Variants in COL8A1 observed in about 807,000 individuals in gnomAD.
COL8A1 encodes the protein collagen alpha-1(VIII) chain.
COL8A1 carries 21 observed loss-of-function variants against 42.7 expected under a neutral mutation model. That is an observed-to-expected ratio of 0.49 (90% CI 0.35 to 0.71). COL8A1 has a LOEUF of 0.71. Among genes scored for constraint, COL8A1 ranks in the 30% least tolerant of loss-of-function variants. The pLI is 0.01. For missense variants in COL8A1, 788 were observed against 962.4 expected, an observed-to-expected ratio of 0.82 and a Z score of 2.40; for synonymous variants, 367 against 369.1, an observed-to-expected ratio of 0.99 and a Z score of 0.06.
chr3:99,791,143 G>C lies in COL8A1; in HGVS notation c.328+133G>C, dbSNP rs1399110779. 1.7e-5 allele frequency: 13 copies of C among 765,350 alleles called. No individual in the cohort carries two copies. The East Asian group carries it at 3.2e-4, about 19-fold the overall frequency. The allele number at this position is 765,350 out of a possible 1,614,324, so 47.4% of individuals were successfully genotyped here. A position where few individuals can be genotyped will look rare whatever the true frequency, so the allele number is the denominator to read the frequency against. The stretch of plus-strand genomic sequence containing the variant: ...TACTGGCATTTTTAAAATGCCTACT[G>C]TGTTCTAACCATATTCTTGAAAACT... On this transcript the variant is annotated intron_variant, in intron 3 of 3. Coordinates refer to ENST00000652472, the MANE Select transcript of COL8A1 (RefSeq NM_020351.4).
chr3:99,683,476 T>A (rs1318725285), intron 1 of COL8A1, among the ~76,000 whole-genome samples: 1 of 152,152 alleles, frequency 6.6e-6, no homozygotes, highest in African/African-American at 2.4e-5. Flanking sequence ...AAAATGGAAA[T>A]AAGTTTTTGT....
intron 1 of COL8A1, among the ~76,000 whole-genome samples, chr3:99,671,039 A>G (rs1310687656): frequency 6.6e-6 from 1 of 151,452 alleles, no homozygotes; most frequent in Non-Finnish European, 1.5e-5. Flanking sequence ...TAAAAGTATA[A>G]CTCCTTTCTG....
chr3:99,790,591 CT>C (rs1177249889), intron 2 of COL8A1, 88 bp from the exon 3 acceptor site: 50 of 1,040,834 alleles, frequency 4.8e-5, no homozygotes, highest in African/African-American at 9.6e-5. Context: ...GACTGTTTCC[CT>C]TTTTTTTCCC....
intron 2 of COL8A1, among the ~76,000 whole-genome samples, chr3:99,746,708 G>A (rs1302070151): frequency 6.6e-6 from 1 of 152,056 alleles, no homozygotes; most frequent in Non-Finnish European, 1.5e-5. Context: ...AAACTTAAAG[G>A]CCATTCAATA....
intron 1 of COL8A1, among the ~76,000 whole-genome samples, chr3:99,640,347 C>T (rs1937482882): frequency 6.6e-6 from 1 of 152,116 alleles, no homozygotes; most frequent in South Asian, 2.1e-4. Flanking sequence ...TGGGACAAGG[C>T]CAGACCAAGT....
intron 1 of COL8A1, among the ~76,000 whole-genome samples, chr3:99,661,878 G>A (rs149099477): frequency 3.0e-4 from 46 of 152,262 alleles, no homozygotes; most frequent in African/African-American, 1.1e-3. Context: ...GACAAATACT[G>A]TATGATTCCA....
chr3:99,776,855 T>C (rs753782113), intron 2 of COL8A1, among the ~76,000 whole-genome samples: 26 of 152,234 alleles, frequency 1.7e-4, no homozygotes, highest in Non-Finnish European at 3.4e-4. Flanking sequence ...CTCCCCTTTT[T>C]AGACCGTATA....
intron 2 of COL8A1, among the ~76,000 whole-genome samples, chr3:99,746,101 C>G (rs781584893): frequency 6.6e-6 from 1 of 152,160 alleles, no homozygotes. Context: ...AGGAAAAGCA[C>G]AGCATTTAGC....
At chr3:99,682,638 T>C (rs1010186408) in intron 1 of COL8A1, among the ~76,000 whole-genome samples, 2 of 151,364 alleles carry the variant, frequency 1.3e-5, no homozygotes, top group Non-Finnish European at 2.9e-5. Flanking sequence ...AAGAAGTGCC[T>C]TAAGTGGTTT....
At chr3:99,698,959 A>C (rs1048285173) in intron 1 of COL8A1, among the ~76,000 whole-genome samples, 1 of 152,178 alleles carries the variant, frequency 6.6e-6, no homozygotes, top group Admixed American at 6.5e-5. Flanking sequence ...AGAAGCGGGG[A>C]AGATAAGTCA....
intron 2 of COL8A1, among the ~76,000 whole-genome samples, chr3:99,783,004 C>CA (rs372519285): frequency 0.01 from 1,498 of 146,894 alleles, 30 homozygotes; most frequent in African/African-American, 0.034. Flanking sequence ...GTTAGAGAAA[C>CA]AAAAAAAAAA....
At chr3:99,686,526 T>C (rs1939056599) in intron 1 of COL8A1, among the ~76,000 whole-genome samples, 1 of 152,070 alleles carries the variant, frequency 6.6e-6, no homozygotes, top group Non-Finnish European at 1.5e-5. Context: ...GAAGATTCAG[T>C]AGGAGGTCTC....
At chr3:99,718,347 T>G (rs1466530750) in intron 1 of COL8A1, among the ~76,000 whole-genome samples, 2 of 152,034 alleles carry the variant, frequency 1.3e-5, no homozygotes, top group African/African-American at 4.8e-5. Context: ...ATTCAAGTAA[T>G]ACTCAGTTGA....
chr3:99,671,416 A>C (rs1299486474), intron 1 of COL8A1, among the ~76,000 whole-genome samples: 1 of 152,038 alleles, frequency 6.6e-6, no homozygotes, highest in African/African-American at 2.4e-5. Flanking sequence ...ATTAACATAC[A>C]TTGTGGAATA....
At chr3:99,776,943 T>G (rs1941704967) in intron 2 of COL8A1, among the ~76,000 whole-genome samples, 1 of 152,206 alleles carries the variant, frequency 6.6e-6, no homozygotes, top group African/African-American at 2.4e-5. Flanking sequence ...GCTAATGCAT[T>G]ATAACTAGCA....
chr3:99,718,066 C>T (rs1940051537), intron 1 of COL8A1, among the ~76,000 whole-genome samples: 1 of 151,932 alleles, frequency 6.6e-6, no homozygotes, highest in African/African-American at 2.4e-5. Context: ...ATTCACTCTG[C>T]AAGACCCAGC....
chr3:99,730,492 C>T (rs1462091538), intron 1 of COL8A1, among the ~76,000 whole-genome samples: 1 of 152,096 alleles, frequency 6.6e-6, no homozygotes, highest in Non-Finnish European at 1.5e-5. Context: ...GTTTCCTGCA[C>T]CCCAGAGTGA....
chr3:99,728,237 A>G (rs1276817998), intron 1 of COL8A1, among the ~76,000 whole-genome samples: 1 of 152,094 alleles, frequency 6.6e-6, no homozygotes, highest in Non-Finnish European at 1.5e-5. Flanking sequence ...GTATATCTAG[A>G]AAACCCCATT....
At chr3:99,723,023 G>GTGTGTT (rs1553676581) in intron 1 of COL8A1, among the ~76,000 whole-genome samples, 1 of 151,650 alleles carries the variant, frequency 6.6e-6, no homozygotes, top group Non-Finnish European at 1.5e-5. Context: ...GTGTGTGTGT[G>GTGTGTT]TGTGTGTGTG....
Sources: gnomAD v4.1 joint callset for allele counts (sites outside exome capture counted in the v4.1 genomes callset) on GRCh38, gnomAD v4.1.1 for gene constraint, MANE v1.5 for transcripts, NCBI Gene and HGNC (gene_info 2026-07-23, HGNC 2026-07-21) for gene names.